Variants in DACH2 observed in about 807,000 individuals in gnomAD.
DACH2 encodes the protein dachshund family transcription factor 2, also known as dachshund homolog 2.
A neutral mutation model predicts 35.8 loss-of-function variants in DACH2; 17 were observed. The ratio of observed to expected loss-of-function variants is 0.48; its 90% CI spans 0.33 to 0.71. The LOEUF (loss-of-function observed/expected upper bound fraction) is 0.71, where lower values mean the gene tolerates loss of function less well. DACH2 is among the 30% of genes least tolerant of loss of function. DACH2 has a pLI of 0.02. For missense variants in DACH2, 469 were observed against 472.7 expected (o/e 0.99, Z 0.07); for synonymous variants, 195 against 177.3 (o/e 1.10, Z -0.79).
chrX:86,276,500 T>A (rs758866530), intron 1 of DACH2, among the ~76,000 whole-genome samples: 1 of 111,846 alleles, frequency 8.9e-6, no homozygotes, highest in Admixed American at 9.5e-5. Flanking sequence ...ATTTTGTTGA[T>A]TGTATTCTTT....
At chrX:86,173,495 G>A (rs1296094110) in intron 1 of DACH2, among the ~76,000 whole-genome samples, 1 of 111,653 alleles carries the variant, frequency 9.0e-6, no homozygotes, top group Admixed American at 9.6e-5. Flanking sequence ...AGTCTTGAAA[G>A]GGAGAGGAGT....
At chrX:86,402,571 G>A (rs1402356367) in intron 2 of DACH2, among the ~76,000 whole-genome samples, 4 of 111,744 alleles carry the variant, frequency 3.6e-5, no homozygotes, top group African/African-American at 1.3e-4. Context: ...TCATGGAATG[G>A]AAGTATCAGT....
intron 11 of DACH2, among the ~76,000 whole-genome samples, chrX:86,818,680 G>C (rs1221193887): frequency 9.0e-6 from 1 of 110,560 alleles, no homozygotes; most frequent in Non-Finnish European, 1.9e-5. Flanking sequence ...GTCAGTTCAT[G>C]TATACCAATG....
At chrX:86,732,063 C>T (rs1244869104) in intron 6 of DACH2, among the ~76,000 whole-genome samples, 1 of 111,962 alleles carries the variant, frequency 8.9e-6, no homozygotes, top group Non-Finnish European at 1.9e-5. Context: ...TTTGTGGCTA[C>T]TATATTAGAC....
chrX:86,162,872 T>C (rs971885681), intron 1 of DACH2, among the ~76,000 whole-genome samples: 5 of 111,082 alleles, frequency 4.5e-5, no homozygotes, highest in African/African-American at 1.6e-4. Flanking sequence ...TATATACACT[T>C]TTTTAGGTAA....
At chrX:86,624,060 C>CAAAAAAAA (rs34140706) in intron 3 of DACH2, among the ~76,000 whole-genome samples, 12 of 36,042 alleles carry the variant, frequency 3.3e-4, no homozygotes, top group Non-Finnish European at 5.0e-4. Context: ...AAAAACAAAA[C>CAAAAAAAA]AAAAAAAAAA....
intron 2 of DACH2, among the ~76,000 whole-genome samples, chrX:86,397,146 G>T (rs1231258130): frequency 9.1e-6 from 1 of 110,281 alleles, no homozygotes; most frequent in Non-Finnish European, 1.9e-5. Context: ...TATTCTCTTT[G>T]AAGCAATTGT....
chrX:86,571,459 CACA>C (rs992081399), intron 3 of DACH2, among the ~76,000 whole-genome samples: 1 of 109,836 alleles, frequency 9.1e-6, no homozygotes. Flanking sequence ...CCCCCCACCC[CACA>C]ACAGTCCCCG....
chrX:86,313,765 T>A (rs1017147135), intron 1 of DACH2, among the ~76,000 whole-genome samples: 1 of 111,998 alleles, frequency 8.9e-6, no homozygotes, highest in African/African-American at 3.2e-5. Context: ...TATGAAGACA[T>A]ACCTCATTTT....
chrX:86,335,525 A>C (rs777009849), intron 1 of DACH2, among the ~76,000 whole-genome samples: 3 of 111,393 alleles, frequency 2.7e-5, no homozygotes, highest in African/African-American at 6.5e-5. Context: ...TTGTGAAAGG[A>C]ACTTCACTCA....
intron 2 of DACH2, among the ~76,000 whole-genome samples, chrX:86,391,471 A>G (rs1356918870): frequency 9.1e-6 from 1 of 110,346 alleles, no homozygotes; most frequent in Non-Finnish European, 1.9e-5. Context: ...TAAAATACTG[A>G]AACTACCACA....
chrX:86,570,187 C>T (rs2039347418), intron 3 of DACH2, among the ~76,000 whole-genome samples: 1 of 111,299 alleles, frequency 9.0e-6, no homozygotes, highest in Non-Finnish European at 1.9e-5. Context: ...GGTGGTTCCT[C>T]AAAGATTTAG....
chrX:86,160,139 A>G, intron 1 of DACH2: 4 of 677,078 alleles, frequency 5.9e-6, no homozygotes, highest in Non-Finnish European at 8.5e-6. Context: ...GTCTTTTACT[A>G]TTAAACTTAA....
intron 1 of DACH2, among the ~76,000 whole-genome samples, chrX:86,327,748 C>T (rs982697535): frequency 9.0e-6 from 1 of 111,647 alleles, no homozygotes; most frequent in Non-Finnish European, 1.9e-5. Context: ...AATGAAATTA[C>T]TTGTTTTTGG....
intron 1 of DACH2, among the ~76,000 whole-genome samples, chrX:86,375,971 C>G (rs1421364027): frequency 9.1e-6 from 1 of 110,189 alleles, no homozygotes; most frequent in Non-Finnish European, 1.9e-5. Context: ...GGTTTTTTTG[C>G]ATGTCATTTC....
intron 1 of DACH2, among the ~76,000 whole-genome samples, chrX:86,175,995 G>A (rs1439853972): frequency 1.8e-5 from 2 of 111,405 alleles, no homozygotes; most frequent in East Asian, 2.8e-4. Context: ...AATTCAAAAT[G>A]GTCAATGTGA....
chrX:86,324,278 A>T (rs2035069274), intron 1 of DACH2, among the ~76,000 whole-genome samples: 1 of 112,102 alleles, frequency 8.9e-6, no homozygotes, highest in African/African-American at 3.2e-5. Flanking sequence ...GAATTGCTGC[A>T]ATCTCATTTT....
intron 1 of DACH2, among the ~76,000 whole-genome samples, chrX:86,264,904 C>G (rs1406134237): frequency 9.0e-6 from 1 of 110,809 alleles, no homozygotes; most frequent in Non-Finnish European, 1.9e-5. Flanking sequence ...TTCCCAAGTT[C>G]TCAGGTCTCT....
chrX:86,431,200 T>C (rs1225116208), intron 2 of DACH2, among the ~76,000 whole-genome samples: 2 of 111,830 alleles, frequency 1.8e-5, no homozygotes, highest in East Asian at 5.6e-4. Flanking sequence ...CTCTTGATGG[T>C]TTATATGACT....
Sources: gnomAD v4.1 joint callset for allele counts (sites outside exome capture counted in the v4.1 genomes callset) on GRCh38, gnomAD v4.1.1 for gene constraint, MANE v1.5 for transcripts, NCBI Gene and HGNC (gene_info 2026-07-23, HGNC 2026-07-21) for gene names.